Variants in ANXA4 observed in about 807,000 individuals in gnomAD.
ANXA4 encodes the protein annexin A4.
A neutral mutation model predicts 49.8 loss-of-function variants in ANXA4; 39 were observed. The ratio of observed to expected loss-of-function variants is 0.78; its 90% CI spans 0.61 to 1.02. ANXA4 has a LOEUF of 1.02. Among genes scored for constraint, ANXA4 ranks in the 50% least tolerant of loss-of-function variants. The pLI, the probability that ANXA4 is intolerant of heterozygous loss-of-function variation, is 0.00. For missense variants in ANXA4, 360 were observed against 410.1 expected, an observed-to-expected ratio of 0.88 and a Z score of 1.05; for synonymous variants, 134 against 152.5, an observed-to-expected ratio of 0.88 and a Z score of 0.89.
At chr2:69,758,728 G>A (rs999198679) in intron 1 of ANXA4, among the ~76,000 whole-genome samples, 6 of 152,134 alleles carry the variant, frequency 3.9e-5, no homozygotes, top group African/African-American at 1.4e-4. Flanking sequence ...TAACTTATGG[G>A]TGGTTGGGCT....
At chr2:69,794,913 A>T (rs1315569931) in intron 3 of ANXA4, among the ~76,000 whole-genome samples, 1 of 152,170 alleles carries the variant, frequency 6.6e-6, no homozygotes, top group Non-Finnish European at 1.5e-5. Flanking sequence ...AGGTACTCAC[A>T]GTTTACAAAA....
At chr2:69,656,277 G>A (rs1219055060) in intron 2 of ANXA4, among the ~76,000 whole-genome samples, 4 of 117,338 alleles carry the variant, frequency 3.4e-5, no homozygotes, top group Non-Finnish European at 5.1e-5. Flanking sequence ...ATGTATATAC[G>A]TATATATATA....
In ANXA4 at chr2:69,719,535, G is replaced by T. The variant is rs181964576; in HGVS notation, n.767-1239G>T. On this transcript the variant is annotated intron_variant and non_coding_transcript_variant, in intron 2 of 3. Transcript: ENST00000418066. ...GCTCATTGCAAACTCTGCCTCCCGG[G>T]TTTGAGTGATTCTTGTGCCTCAGCC... Among the ~76,000 whole-genome samples, 1,471 of 151,680 alleles carry T rather than the reference G, an allele frequency of 9.7e-3. 20 individuals are homozygous for T. Among genetic ancestry groups the T allele is most frequent in the African/African-American group, 0.032 (1,327 of 41,326 alleles).
intron 3 of ANXA4, among the ~76,000 whole-genome samples, chr2:69,800,464 T>C (rs1180334374): frequency 6.6e-6 from 1 of 152,230 alleles, no homozygotes; most frequent in Admixed American, 6.5e-5. Flanking sequence ...TCCCTAGTTC[T>C]TGTGTTCAAA....
intron 2 of ANXA4, among the ~76,000 whole-genome samples, chr2:69,686,815 T>G (rs1244154771): frequency 1.3e-5 from 2 of 152,206 alleles, no homozygotes; most frequent in Admixed American, 6.6e-5. Flanking sequence ...CTTGAACATT[T>G]AACTATCAGC....
intron 3 of ANXA4, among the ~76,000 whole-genome samples, chr2:69,723,106 G>A (rs541695669): frequency 1.3e-5 from 2 of 149,856 alleles, no homozygotes; most frequent in Non-Finnish European, 3.0e-5. Flanking sequence ...CAGGAGAATC[G>A]CTTGAACCTG....
At chr2:69,799,191 TC>T (rs1272752535) in intron 3 of ANXA4, among the ~76,000 whole-genome samples, 2 of 152,190 alleles carry the variant, frequency 1.3e-5, no homozygotes, top group African/African-American at 4.8e-5. Context: ...AGTCTGTGTT[TC>T]TTTGTCTTGC....
At chr2:69,645,935 C>T (rs1675994730) in intron 1 of ANXA4, among the ~76,000 whole-genome samples, 1 of 152,186 alleles carries the variant, frequency 6.6e-6, no homozygotes, top group East Asian at 1.9e-4. Context: ...TGCCCAAAGT[C>T]ACACAGTAAA....
intron 2 of ANXA4, among the ~76,000 whole-genome samples, chr2:69,680,886 G>A (rs1478389271): frequency 6.6e-6 from 1 of 152,072 alleles, no homozygotes; most frequent in Non-Finnish European, 1.5e-5. Flanking sequence ...TTTTTGATGT[G>A]CTGTTGGATT....
In ANXA4 at chr2:69,676,019, AT is replaced by A. The variant is rs1389094237; in HGVS notation, n.766+22738del. Among the ~76,000 whole-genome samples the A allele has an allele frequency of 1.6e-4, 24 of 150,644 alleles. No homozygotes were observed. In the South Asian group the frequency reaches 2.1e-3, roughly 13 times the overall value. ...AAGACTCTGTCTCAAAAAAAAAAAA[AT>A]AATAATGATAATAATAATAATAATA... On this transcript the variant is annotated intron_variant and non_coding_transcript_variant, in intron 2 of 3. Coordinates refer to the ANXA4 transcript ENST00000418066.
At chr2:69,662,250 G>A (rs1414876711) in intron 2 of ANXA4, among the ~76,000 whole-genome samples, 8 of 152,182 alleles carry the variant, frequency 5.3e-5, no homozygotes, top group Admixed American at 3.9e-4. Flanking sequence ...CAGGCTCAGG[G>A]TCAGATTTCC....
At chr2:69,823,816 G>T (rs1356887259) in intron 12 of ANXA4, among the ~76,000 whole-genome samples, 1 of 152,200 alleles carries the variant, frequency 6.6e-6, no homozygotes, top group Non-Finnish European at 1.5e-5. Flanking sequence ...ATGAGGCAAA[G>T]TATAAACAAG....
chr2:69,707,983 G>C (rs532063753), intron 2 of ANXA4, among the ~76,000 whole-genome samples: 1 of 152,264 alleles, frequency 6.6e-6, no homozygotes, highest in East Asian at 1.9e-4. Flanking sequence ...GGACTGGTTT[G>C]TTCCACTCAG....
At chr2:69,734,689 AG>A (rs990077775) in intron 3 of ANXA4, among the ~76,000 whole-genome samples, 4 of 152,192 alleles carry the variant, frequency 2.6e-5, no homozygotes, top group Non-Finnish European at 4.4e-5. Flanking sequence ...TTAGGACACT[AG>A]GCCACCATTT....
chr2:69,657,145 C>T (rs182214171), intron 2 of ANXA4, among the ~76,000 whole-genome samples: 1 of 151,848 alleles, frequency 6.6e-6, no homozygotes, highest in Non-Finnish European at 1.5e-5. Context: ...CAGGCACCCG[C>T]CACCATGCCC....
At chr2:69,749,391 A>G (rs1006738357) in intron 1 of ANXA4, among the ~76,000 whole-genome samples, 3 of 152,170 alleles carry the variant, frequency 2.0e-5, no homozygotes, top group Admixed American at 6.5e-5. Flanking sequence ...TCAAAGCACC[A>G]TATTTTGGGA....
intron 1 of ANXA4, among the ~76,000 whole-genome samples, chr2:69,752,171 G>T (rs1573194135): frequency 6.6e-6 from 1 of 152,112 alleles, no homozygotes; most frequent in Non-Finnish European, 1.5e-5. Flanking sequence ...TGAAGGAATG[G>T]CATGTCTGTT....
intron 1 of ANXA4, among the ~76,000 whole-genome samples, chr2:69,779,128 AAAAAAGG>A (rs1672093378): frequency 6.6e-6 from 1 of 150,914 alleles, no homozygotes; most frequent in African/African-American, 2.4e-5. Context: ...AAAAAAAAAA[AAAAAAGG>A]AAAGAGAAGT....
chr2:69,775,845 C>T (rs1029722590), intron 1 of ANXA4, among the ~76,000 whole-genome samples: 2 of 152,180 alleles, frequency 1.3e-5, no homozygotes, highest in Non-Finnish European at 2.9e-5. Flanking sequence ...GAAATAGGAA[C>T]TCGTGGTTAA....
Sources: allele counts gnomAD v4.1 joint callset (sites outside exome capture counted in the v4.1 genomes callset), GRCh38; gene constraint gnomAD v4.1.1; transcripts MANE v1.5; gene names NCBI Gene and HGNC (gene_info 2026-07-23, HGNC 2026-07-21).